COG5: variants seen among roughly 807,000 people sequenced by gnomAD.
COG5 encodes the protein component of oligomeric golgi complex 5.
COG5 carries 86 observed loss-of-function variants against 110.4 expected under a neutral mutation model. That is an observed-to-expected ratio of 0.78 (90% CI 0.65 to 0.93). COG5 has a LOEUF of 0.93. Among genes scored for constraint, COG5 ranks in the 40% least tolerant of loss-of-function variants. COG5 has a pLI of 0.00. For synonymous variants in COG5, 360 were observed against 334.6 expected, an observed-to-expected ratio of 1.08 and a Z score of -0.83; for missense variants, 1,077 against 987.0, an observed-to-expected ratio of 1.09 and a Z score of -1.22.
intron 7 of COG5, among the ~76,000 whole-genome samples, chr7:107,410,393 C>T (rs895159051): frequency 6.6e-6 from 1 of 152,098 alleles, no homozygotes; most frequent in Non-Finnish European, 1.5e-5. Flanking sequence ...AGAAAACCAT[C>T]GAGTAGTAAA....
At chr7:107,248,298 C>T in intron 17 of COG5, 98 bp downstream of exon 17, 1 of 805,208 alleles carries the variant, frequency 1.2e-6, no homozygotes, top group South Asian at 1.4e-5. Context: ...GGAACAAGGC[C>T]CTGGATGGCA....
chr7:107,329,543 T>A (rs1465522259), intron 10 of COG5, among the ~76,000 whole-genome samples: 1 of 152,124 alleles, frequency 6.6e-6, no homozygotes, highest in Non-Finnish European at 1.5e-5. Flanking sequence ...TAAATCTATA[T>A]CTCCTACCAA....
At chr7:107,415,989 T>G (rs1383177870) in intron 6 of COG5, among the ~76,000 whole-genome samples, 1 of 137,852 alleles carries the variant, frequency 7.3e-6, no homozygotes, top group African/African-American at 2.7e-5. Context: ...TATGTATATA[T>G]GTGTGTATAT....
chr7:107,474,147 T>C lies in COG5; in HGVS notation c.538+53090A>G, dbSNP rs921607179. ...ATGACATTGATGACATCAACACCAA[T>C]ATGTACCAACCACTATCATATCCGT... On this transcript the variant is annotated intron_variant, in intron 6 of 21. Transcript: ENST00000297135. The surrounding 1 kb of genome is among the most constrained non-coding windows in gnomAD (Gnocchi z 5.7). The C allele has an allele frequency of 7.5e-6, 12 of 1,609,932 alleles. No homozygotes were observed. Among genetic ancestry groups the C allele is most frequent in the Non-Finnish European group, 8.5e-6 (10 of 1,176,502 alleles).
At chr7:107,312,993 C>A (rs1808417994) in intron 11 of COG5, among the ~76,000 whole-genome samples, 1 of 152,134 alleles carries the variant, frequency 6.6e-6, no homozygotes, top group African/African-American at 2.4e-5. Flanking sequence ...AGGTGTAAAT[C>A]TTCAAAAAGT....
intron 10 of COG5, among the ~76,000 whole-genome samples, chr7:107,334,848 T>C (rs1464109909): frequency 6.6e-6 from 1 of 151,816 alleles, no homozygotes; most frequent in Non-Finnish European, 1.5e-5. Context: ...ACCGTTAAAA[T>C]TAAGTACGCA....
At chr7:107,294,476 G>A (rs932232959) in intron 12 of COG5, among the ~76,000 whole-genome samples, 3 of 151,996 alleles carry the variant, frequency 2.0e-5, no homozygotes, top group African/African-American at 7.3e-5. Context: ...TGTCTACATA[G>A]CAGTCAGAGT....
rs537187372 is a variant in COG5, at chr7:107,416,575, T to C, written c.539-3943A>G. On this transcript the variant is annotated intron_variant, in intron 6 of 21. Transcript: ENST00000297135. The stretch of plus-strand genomic sequence containing the variant: ...TATTATAACTTATATATGTTAAAAA[T>C]GTGTTTTTGCATTTTTATATTTTCC... 2.6e-5 allele frequency among the ~76,000 whole-genome samples: 4 copies of C among 152,330 alleles called. No individual in the cohort carries two copies. In the South Asian group the frequency reaches 8.3e-4, roughly 32 times the overall value.
chr7:107,371,639 G>C (rs1814173828), intron 8 of COG5, among the ~76,000 whole-genome samples: 1 of 152,080 alleles, frequency 6.6e-6, no homozygotes, highest in Admixed American at 6.5e-5. Context: ...TTTTCCTGAA[G>C]ACTGAAGAAA....
At chr7:107,539,020 G>C (rs559009253) in intron 5 of COG5, among the ~76,000 whole-genome samples, 32 of 152,244 alleles carry the variant, frequency 2.1e-4, no homozygotes, top group Admixed American at 5.2e-4. Flanking sequence ...GCTCACTCCT[G>C]TAATCCCAGC....
At chr7:107,239,128 G>A (rs936332475) in intron 17 of COG5, among the ~76,000 whole-genome samples, 6 of 152,028 alleles carry the variant, frequency 3.9e-5, no homozygotes, top group Non-Finnish European at 7.4e-5. Flanking sequence ...ATTTTCATTT[G>A]ATTTTCACAT....
At chr7:107,208,664 T>C (rs1234381452) in intron 21 of COG5, 1 of 985,354 alleles carries the variant, frequency 1.0e-6, no homozygotes, top group Admixed American at 6.1e-5. Context: ...TCACCGGGGC[T>C]GGTAACCTCT....
intron 7 of COG5, among the ~76,000 whole-genome samples, chr7:107,402,972 ACAGT>A (rs1345300685): frequency 6.6e-6 from 1 of 152,200 alleles, no homozygotes; most frequent in Admixed American, 6.5e-5. Context: ...CCATATCTAA[ACAGT>A]CATTTAGTTT....
At position 107,382,686 on chromosome 7, in the gene COG5, G is replaced by A. The variant is rs571123668; in HGVS notation, c.670-9926C>T. 9.0e-4 allele frequency among the ~76,000 whole-genome samples: 137 copies of A among 152,150 alleles called. No individual in the cohort carries two copies. The Middle Eastern group carries it at 0.01, about 11-fold the overall frequency. On this transcript the variant is annotated intron_variant, in intron 7 of 21. Transcript: ENST00000297135. ...ACTCCTGACCTCAAGTGATCCACCC[G>A]CCTCAGCCTCCCAAAGTGCTGAGAT...
intron 10 of COG5, among the ~76,000 whole-genome samples, chr7:107,350,059 C>T (rs2107762): frequency 0.63 from 95,395 of 152,120 alleles, 32,317 homozygotes; most frequent in African/African-American, 0.91. Flanking sequence ...TCTATATTTC[C>T]AGTTTGCCTA....
chr7:107,539,662 C>A (rs967109830), intron 5 of COG5, among the ~76,000 whole-genome samples: 7 of 152,034 alleles, frequency 4.6e-5, no homozygotes, highest in Admixed American at 6.6e-5. Flanking sequence ...AAGATGCAAT[C>A]TTGTGAATAT....
At chr7:107,240,739 A>G (rs1801551907) in intron 17 of COG5, among the ~76,000 whole-genome samples, 1 of 152,186 alleles carries the variant, frequency 6.6e-6, no homozygotes, top group Non-Finnish European at 1.5e-5. Flanking sequence ...CACATAAGCC[A>G]TATATATATG....
chr7:107,428,377 C>G (rs145706527), intron 6 of COG5, among the ~76,000 whole-genome samples: 1 of 152,040 alleles, frequency 6.6e-6, no homozygotes, highest in East Asian at 1.9e-4. Flanking sequence ...ACATTTGGAC[C>G]CAGCTACAGA....
chr7:107,413,409 A>G (rs1792456443), intron 6 of COG5, among the ~76,000 whole-genome samples: 1 of 152,116 alleles, frequency 6.6e-6, no homozygotes, highest in Non-Finnish European at 1.5e-5. Context: ...ACCAAACAAC[A>G]TGCTAGATTT....
Sources: allele counts gnomAD v4.1 joint callset (sites outside exome capture counted in the v4.1 genomes callset), GRCh38; gene constraint gnomAD v4.1.1; non-coding constraint Gnocchi (gnomAD v3.1); transcripts MANE v1.5; gene names NCBI Gene and HGNC (gene_info 2026-07-23, HGNC 2026-07-21).